CELSR1: variants seen among roughly 807,000 people sequenced by gnomAD.
The protein encoded by CELSR1 is adhesion G protein-coupled receptor C1.
A neutral mutation model predicts 249.1 loss-of-function variants in CELSR1; 110 were observed. The ratio of observed to expected loss-of-function variants is 0.44; its 90% CI spans 0.38 to 0.52. The LOEUF is 0.52. Among genes scored for constraint, CELSR1 ranks in the 20% least tolerant of loss-of-function variants. CELSR1 has a pLI of 0.00. For synonymous variants in CELSR1, 2,113 were observed against 1,900.0 expected (o/e 1.11, Z -2.92); for missense variants, 4,109 against 4,296.4 (o/e 0.96, Z 1.22).
Position 46,363,087 on chromosome 22 carries a change from C to G in CELSR1, c.*136G>C. 2 of 1,589,778 alleles carry G rather than the reference C, an allele frequency of 1.3e-6. No individual in the cohort carries two copies. The highest frequency in any genetic ancestry group is 1.7e-6 in the Non-Finnish European group (2 of 1,159,938). The stretch of plus-strand genomic sequence containing the variant: ...GGCTGCCACCATGGGGACCGCCACA[C>G]TCTGGGCCCACTCCACTTCAAGGGC... On this transcript the variant is annotated 3_prime_UTR_variant, in exon 35 of 35. Transcript: ENST00000674500. The surrounding 1 kb of genome is among the most constrained non-coding windows in gnomAD (Gnocchi z 4.3).
chr22:46,470,494 G>C (rs1569186991), intron 1 of CELSR1, among the ~76,000 whole-genome samples: 2 of 150,390 alleles, frequency 1.3e-5, no homozygotes, highest in Non-Finnish European at 3.0e-5. Flanking sequence ...TTCACTCAGG[G>C]ATAAAACGAT....
Position 46,381,951 on chromosome 22 carries a change from C to A in CELSR1, c.6983G>T (p.Arg2328Leu). 1.3e-6 allele frequency: 2 copies of A among 1,564,330 alleles called. No homozygotes were observed. Residue 2328 changes from arginine to leucine, a missense_variant, in exon 21 of 35, where the codon CGA becomes CTA. Transcript: ENST00000674500. This position sits in a 1 kb window ranked among gnomAD's most constrained non-coding sequence, Gnocchi z 6.0. ...EREAPISRRRRHPDDAGQFAV... is the reference protein window; with the variant it reads ...EREAPISRRRLHPDDAGQFAV... ...GAACTGGCCAGCGTCATCAGGGTGT[C>A]GCCTCCGCCTGCTGATCGGGGCCTC...
rs528591984 is a variant in CELSR1 at position 46,488,484 on chromosome 22, G to A, written c.3545-24139C>T. 5.3e-5 allele frequency among the ~76,000 whole-genome samples: 8 copies of A among 152,274 alleles called. No homozygotes were observed. The highest frequency in any genetic ancestry group is 5.2e-4 in the Admixed American group (8 of 15,302). On this transcript the variant is annotated intron_variant, in intron 1 of 34. Transcript: ENST00000674500. The surrounding 1 kb of genome is among the most constrained non-coding windows in gnomAD (Gnocchi z 4.7). ...GCCAGTGAGCTCAGTGGGACGGTTC[G>A]GCAGGAACACGGCTTGAACCCACAC...
chr22:46,515,980 G>A (rs2080623220), intron 1 of CELSR1, among the ~76,000 whole-genome samples: 1 of 152,236 alleles, frequency 6.6e-6, no homozygotes, highest in Admixed American at 6.5e-5. Context: ...AGAATGTGGA[G>A]AAACAGGAAC....
chr22:46,420,949 C>T (rs920832572), intron 5 of CELSR1, among the ~76,000 whole-genome samples: 2 of 152,074 alleles, frequency 1.3e-5, no homozygotes, highest in Non-Finnish European at 2.9e-5. Flanking sequence ...GGCAGGAAAA[C>T]GCGACAGCCC....
At chr22:46,420,168 G>A (rs1012005994) in intron 5 of CELSR1, among the ~76,000 whole-genome samples, 16 of 145,294 alleles carry the variant, frequency 1.1e-4, no homozygotes, top group African/African-American at 4.1e-4. Flanking sequence ...TCACCCACAC[G>A]TGCACTCATT....
At chr22:46,507,351 C>CTACTGGACT (rs999910487) in intron 1 of CELSR1, among the ~76,000 whole-genome samples, 6 of 152,044 alleles carry the variant, frequency 3.9e-5, no homozygotes, top group Admixed American at 3.3e-4. Flanking sequence ...AGCCAGGGAG[C>CTACTGGACT]TACTGGACTA....
At position 46,384,510 on chromosome 22, in the gene CELSR1, C is replaced by T. The variant is rs776941162; in HGVS notation, c.6883+33G>A. ...TCCCCTCCCTGAACGCTGGGGACTC[C>T]GAGGGCAGCAGCAGGTTTCTAAGCG... On this transcript the variant is annotated intron_variant, in intron 20 of 34. Transcript: ENST00000674500. 82 of 1,557,216 alleles carry T rather than the reference C, an allele frequency of 5.3e-5. 1 individual carries two copies. The highest frequency in any genetic ancestry group is 1.8e-4 in the Admixed American group (9 of 50,972).
chr22:46,397,535 G>A, intron 12 of CELSR1, 139 bp downstream of exon 12: 1 of 777,340 alleles, frequency 1.3e-6, no homozygotes, highest in African/African-American at 1.8e-5. Flanking sequence ...GGGCCCGCTT[G>A]TTATAAAATA....
chr22:46,451,539 C>T (rs982431346), intron 2 of CELSR1, among the ~76,000 whole-genome samples: 1 of 152,168 alleles, frequency 6.6e-6, no homozygotes, highest in Non-Finnish European at 1.5e-5. Context: ...CATGTTTGAC[C>T]GTCTTCTGGT....
chr22:46,450,073 C>T (rs2079866222), intron 2 of CELSR1, among the ~76,000 whole-genome samples: 1 of 152,180 alleles, frequency 6.6e-6, no homozygotes, highest in African/African-American at 2.4e-5. Flanking sequence ...AGTCCCACAC[C>T]AGCAAGGCCC....
At chr22:46,442,975 G>A (rs996169523) in intron 2 of CELSR1, among the ~76,000 whole-genome samples, 1 of 152,078 alleles carries the variant, frequency 6.6e-6, no homozygotes, top group African/African-American at 2.4e-5. Context: ...GCGGGCGCCT[G>A]TAGTCCCAGC....
rs1302382785 is a variant in CELSR1 at position 46,399,766 on chromosome 22, C to T, written c.5363G>A (p.Ser1788Asn). The change falls in exon 10 of 35, where the codon AGT becomes AAT. Residue 1788 changes from serine (S) to asparagine (N), a missense_variant. Around this residue, in one of 7 missense-constraint regions of CELSR1, gnomAD observed 1,805 missense variants for 1,831.6 expected, o/e 0.99. Transcript: ENST00000674500. The surrounding 1 kb of genome is among the most constrained non-coding windows in gnomAD (Gnocchi z 5.0). ...CATGGTGACCAGGTGCTTCATCTCA[C>T]TGTCCTCCTTAACATTCTTCAGCTC... The part of the protein sequence containing the change: ...LIELKNVKED[S>N]EMKHLVTMTL... 3.7e-6 allele frequency: 6 copies of T among 1,614,002 alleles called. No homozygotes were observed. The East Asian group carries it at 1.3e-4, about 36-fold the overall frequency.
rs758695020 is a variant in CELSR1, at chr22:46,436,272, C to T, written c.4424G>A (p.Arg1475Lys). The T allele has an allele frequency of 1.2e-6, 2 of 1,613,940 alleles. No individual in the cohort carries two copies. The highest frequency in any genetic ancestry group is 4.5e-5 in the East Asian group (2 of 44,886). Reference sequence around the variant, plus strand: ...GCCGTTGTAGAGAAGCAAGCCGTTCCTTTCCTGAGTGGCAAACCTGTGGGG... The same window carrying T: ...GCCGTTGTAGAGAAGCAAGCCGTTCTTTTCCTGAGTGGCAAACCTGTGGGG... Reference protein sequence around the residue: ...TISLTFATQERNGLLLYNGRF... With the variant: ...TISLTFATQEKNGLLLYNGRF... Residue 1475 changes from arginine (R) to lysine (K), a missense_variant, in exon 4 of 35, where the codon AGG becomes AAG. By Grantham distance (26) the Arg-to-Lys change is conservative. Coordinates refer to ENST00000674500, the MANE Select transcript of CELSR1 (RefSeq NM_001378328.1). This position sits in a 1 kb window ranked among gnomAD's most constrained non-coding sequence, Gnocchi z 5.9.
chr22:46,369,197 T>C lies in CELSR1; in HGVS notation c.7934A>G (p.Tyr2645Cys). The C allele has an allele frequency of 1.2e-6, 2 of 1,614,012 alleles. No individual in the cohort carries two copies. Among genetic ancestry groups the C allele is most frequent in the African/African-American group, 1.3e-5 (1 of 75,056 alleles). The change falls in exon 27 of 35, where the codon TAT becomes TGT. Residue 2645 changes from tyrosine (Y) to cysteine (C), a missense_variant. Tyr to Cys is a radical substitution (Grantham distance 194). This residue lies in a region of CELSR1 where 1,805 missense variants were observed against 1,831.6 expected (regional missense o/e 0.99). Coordinates refer to ENST00000674500, the MANE Select transcript of CELSR1 (RefSeq NM_001378328.1). ...CACTTACACGATCCCTTTTTTCCCATAATAATGGTGCTTTCTTTGGCAGGA... is the reference window on the plus strand; with the variant it reads ...CACTTACACGATCCCTTTTTTCCCACAATAATGGTGCTTTCTTTGGCAGGA... ...KVSCQRKHHYYGKKGIVSLLR... is the reference protein window; with the variant it reads ...KVSCQRKHHYCGKKGIVSLLR...
intron 5 of CELSR1, among the ~76,000 whole-genome samples, chr22:46,414,503 C>G (rs899237205): frequency 1.3e-5 from 2 of 151,986 alleles, no homozygotes; most frequent in Non-Finnish European, 2.9e-5. Flanking sequence ...ATGCCCGCCT[C>G]TCGGCGAGTG....
At chr22:46,499,418 G>A (rs1240735735) in intron 1 of CELSR1, among the ~76,000 whole-genome samples, 3 of 152,164 alleles carry the variant, frequency 2.0e-5, no homozygotes, top group Admixed American at 2.0e-4. Context: ...AAAAATCTTA[G>A]ACAATGATAA....
chr22:46,371,879 ATCCATCCATCCACCCACCTCTCCATCCC>A (rs1247262906), intron 25 of CELSR1, among the ~76,000 whole-genome samples: 1 of 142,192 alleles, frequency 7.0e-6, no homozygotes, highest in African/African-American at 2.7e-5. Context: ...CCATCCATCC[ATCCATCCATCCACCCACCTCTCCATCCC>A]TCCATCCACC....
At chr22:46,467,821 CA>C (rs953637458) in intron 1 of CELSR1, among the ~76,000 whole-genome samples, 2 of 150,284 alleles carry the variant, frequency 1.3e-5, no homozygotes, top group Non-Finnish European at 3.0e-5. Context: ...GACTCCATCT[CA>C]AAAAAAAGAA....
Sources: gnomAD v4.1 joint callset for allele counts (sites outside exome capture counted in the v4.1 genomes callset) on GRCh38, gnomAD v4.1.1 for gene constraint, gnomAD v4.1.1 regional missense constraint, Gnocchi (gnomAD v3.1) non-coding constraint, MANE v1.5 for transcripts, NCBI Gene and HGNC (gene_info 2026-07-23, HGNC 2026-07-21) for gene names.